ETNK1: variants seen among roughly 807,000 people sequenced by gnomAD.
ETNK1 encodes the protein putative protein product of Nbla10396.
ETNK1 carries 8 observed loss-of-function variants against 45.1 expected under a neutral mutation model. The observed-to-expected ratio is 0.18, with a 90% CI of 0.10 to 0.32. The LOEUF is 0.32. ETNK1 is among the 10% of genes least tolerant of loss of function. The probability of loss-of-function intolerance (pLI) is 1.00; values close to 1 mark genes in which losing one functional copy is unlikely to be tolerated. For missense variants in ETNK1, 302 were observed against 430.6 expected, an observed-to-expected ratio of 0.70 and a Z score of 2.64; for synonymous variants, 152 against 151.9, an observed-to-expected ratio of 1.00 and a Z score of -0.01.
At chr12:22,678,748 T>C (rs1027375588) in intron 6 of ETNK1, among the ~76,000 whole-genome samples, 23 of 152,238 alleles carry the variant, frequency 1.5e-4, no homozygotes, top group African/African-American at 5.3e-4. Flanking sequence ...ATGAAGACAC[T>C]TGAAGTTCCT....
intron 2 of ETNK1, chr12:22,656,743 G>A: frequency 1.0e-6 from 1 of 983,342 alleles, no homozygotes; most frequent in Non-Finnish European, 1.2e-6. Flanking sequence ...TATAAACCCT[G>A]GGGTAAAACT....
chr12:22,680,983 G>A (rs1240728958), intron 6 of ETNK1, among the ~76,000 whole-genome samples: 1 of 147,044 alleles, frequency 6.8e-6, no homozygotes, highest in Admixed American at 7.1e-5. Flanking sequence ...TGCAACAGGG[G>A]TAAGTAGTCT....
intron 2 of ETNK1, among the ~76,000 whole-genome samples, chr12:22,649,944 A>G (rs1953853839): frequency 6.6e-6 from 1 of 151,984 alleles, no homozygotes. Context: ...GTGAACATGG[A>G]ATATCTCTTA....
chr12:22,627,198 A>G (rs1234791826), intron 1 of ETNK1, among the ~76,000 whole-genome samples: 5 of 152,054 alleles, frequency 3.3e-5, no homozygotes, highest in Admixed American at 6.6e-5. Context: ...GGTAGGCACT[A>G]TCATTTTAGG....
chr12:22,650,888 AGTT>A (rs902886977), intron 2 of ETNK1, among the ~76,000 whole-genome samples: 6 of 152,216 alleles, frequency 3.9e-5, no homozygotes, highest in African/African-American at 7.2e-5. Context: ...ATTTGTTTAT[AGTT>A]GTTCTGAAAA....
chr12:22,666,586 C>T (rs1954055652), intron 4 of ETNK1, among the ~76,000 whole-genome samples: 1 of 152,104 alleles, frequency 6.6e-6, no homozygotes, highest in Admixed American at 6.5e-5. Flanking sequence ...TTTCATTTCT[C>T]CTGCTGTCCC....
chr12:22,678,587 C>CA (rs1391070076), intron 6 of ETNK1, among the ~76,000 whole-genome samples: 2 of 152,182 alleles, frequency 1.3e-5, no homozygotes, highest in African/African-American at 4.8e-5. Context: ...GAACAAATCT[C>CA]ACAGGGAATA....
At chr12:22,654,888 AT>A (rs1420199333) in intron 2 of ETNK1, among the ~76,000 whole-genome samples, 2 of 152,226 alleles carry the variant, frequency 1.3e-5, no homozygotes, top group African/African-American at 2.4e-5. Context: ...TACATTTTTA[AT>A]AAAAATCACT....
intron 2 of ETNK1, among the ~76,000 whole-genome samples, chr12:22,655,331 T>TG (rs1245816882): frequency 2.9e-4 from 1 of 3,508 alleles, no homozygotes; most frequent in East Asian, 0.036. Flanking sequence ...TTTGTTTGTT[T>TG]TTTTTTTTTT....
intron 2 of ETNK1, among the ~76,000 whole-genome samples, chr12:22,649,963 T>C (rs1233180693): frequency 5.3e-5 from 8 of 152,088 alleles, no homozygotes; most frequent in Non-Finnish European, 1.2e-4. Context: ...TATTTAGTTA[T>C]TTGGTTTCTT....
In ETNK1 at chr12:22,662,066, CCT is replaced by C. The variant is rs1555101250; in HGVS notation, c.700+862_700+863del. ...AAACTAGTTCCCCGCACCCCCCCCC[CCT>C]TTTTTTTTCCTTTTTTGAGATGGAG... On this transcript the variant is annotated intron_variant, in intron 4 of 7. Transcript: ENST00000266517. Among the ~76,000 whole-genome samples the C allele has an allele frequency of 8.8e-5, 7 of 79,730 alleles. No homozygotes were observed. The East Asian group carries it at 2.0e-3, about 22-fold the overall frequency. The allele number at this position is 79,730 out of a possible 152,430, so 52.3% of individuals were successfully genotyped here.
intron 2 of ETNK1, among the ~76,000 whole-genome samples, chr12:22,654,576 T>A (rs980134844): frequency 6.6e-6 from 1 of 152,220 alleles, no homozygotes; most frequent in Non-Finnish European, 1.5e-5. Context: ...CTAAGATAAC[T>A]GACTCTAATT....
intron 2 of ETNK1, among the ~76,000 whole-genome samples, chr12:22,650,902 A>C (rs1459399008): frequency 6.6e-6 from 1 of 152,064 alleles, no homozygotes; most frequent in East Asian, 1.9e-4. Flanking sequence ...GTTCTGAAAA[A>C]ATTTGATTAT....
Position 22,643,910 on chromosome 12 carries a change from G to C in ETNK1, c.304G>C (p.Ala102Pro). The change falls in exon 2 of 8, where the codon GCT (alanine) becomes CCT (proline). Residue 102 changes from alanine (A) to proline (P), a missense_variant. By Grantham distance (27) the Ala-to-Pro change is conservative. Coordinates refer to ENST00000266517, the MANE Select transcript of ETNK1 (RefSeq NM_018638.5). ...EEVKSFRVLQ[A>P]HGCAPQLYCT... Reference sequence around the variant, plus strand: ...AGTAAAGAGTTTTCGAGTGTTGCAGGCTCATGGGTGTGCACCACAACTCTA... The same window carrying C: ...AGTAAAGAGTTTTCGAGTGTTGCAGCCTCATGGGTGTGCACCACAACTCTA... 1 of 1,613,424 alleles carries C rather than the reference G, an allele frequency of 6.2e-7. No individual in the cohort carries two copies. The highest frequency in any genetic ancestry group is 8.5e-7 in the Non-Finnish European group (1 of 1,179,526).
At chr12:22,683,946 C>T (rs1390834848) in intron 6 of ETNK1, among the ~76,000 whole-genome samples, 2 of 152,092 alleles carry the variant, frequency 1.3e-5, no homozygotes, top group Non-Finnish European at 2.9e-5. Context: ...AAGTCCAAAA[C>T]CCATATTTTT....
chr12:22,662,392 C>CTT lies in ETNK1; in HGVS notation c.700+1203_700+1204dup, dbSNP rs79930955. On this transcript the variant is annotated intron_variant, in intron 4 of 7. Coordinates refer to ENST00000266517, the MANE Select transcript of ETNK1 (RefSeq NM_018638.5). ...TGTGAGCCACTGAGCCTGGCCTTTC[C>CTT]TTTTTTTTTTTTTTTTTAAGTGACT... Among the ~76,000 whole-genome samples, 249 of 122,800 alleles carry CTT rather than the reference C, an allele frequency of 2.0e-3. 2 individuals carry two copies. Among genetic ancestry groups the CTT allele is most frequent in the South Asian group, 2.8e-3 (11 of 3,928 alleles). The allele number at this position is 122,800 out of a possible 152,430, so 80.6% of individuals were successfully genotyped here.
Position 22,684,566 on chromosome 12 carries a change from AT to A in ETNK1, c.1019+14del. On this transcript the variant is annotated intron_variant, in intron 7 of 7. Coordinates refer to ENST00000266517, the MANE Select transcript of ETNK1 (RefSeq NM_018638.5). Reference sequence around the variant, plus strand: ...AGTTTGATTTCCTTGGGTAAGTTAAATTTTATTATATGATTACATTGGTCTC... The same window carrying A: ...AGTTTGATTTCCTTGGGTAAGTTAAATTTATTATATGATTACATTGGTCTC... 6.5e-7 allele frequency: 1 copy of A among 1,536,028 alleles called. No individual in the cohort carries two copies. The highest frequency in any genetic ancestry group is 9.0e-7 in the Non-Finnish European group (1 of 1,112,794).
intron 2 of ETNK1, among the ~76,000 whole-genome samples, chr12:22,657,195 T>A (rs997096720): frequency 1.1e-4 from 17 of 152,238 alleles, no homozygotes; most frequent in African/African-American, 4.1e-4. Context: ...GACATGAGTG[T>A]ATGGTCTTAG....
Position 22,685,765 on chromosome 12 carries a change from T to C in ETNK1, c.*811T>C, listed in dbSNP as rs1016139385. On this transcript the variant is annotated 3_prime_UTR_variant, in exon 8 of 8. Transcript: ENST00000266517. ...AAATTTTATAGTATCAAATTGTTTC[T>C]AACCAAAAATTTCCTTTTACTTCTA... 3 of 151,922 alleles carry C rather than the reference T, an allele frequency of 2.0e-5. No homozygotes were observed. Among genetic ancestry groups the C allele is most frequent in the South Asian group, 4.1e-4 (2 of 4,830 alleles). 9.4% of individuals were successfully genotyped at this position (151,922 alleles called of 1,614,324 possible). A position where few individuals can be genotyped will look rare whatever the true frequency, so the allele number is the denominator to read the frequency against.
Sources: gnomAD v4.1 joint callset for allele counts (sites outside exome capture counted in the v4.1 genomes callset) on GRCh38, gnomAD v4.1.1 for gene constraint, MANE v1.5 for transcripts, NCBI Gene and HGNC (gene_info 2026-07-23, HGNC 2026-07-21) for gene names.